Variants in PKNOX1 observed in about 807,000 individuals in gnomAD.
PKNOX1 encodes the protein homeobox protein PKNOX1.
A neutral mutation model predicts 51.9 loss-of-function variants in PKNOX1; 15 were observed. That is an observed-to-expected ratio of 0.29 (90% CI 0.19 to 0.45). The LOEUF is 0.45. Ranked by LOEUF, PKNOX1 falls within the 20% of genes least tolerant of loss-of-function variation. The pLI, the probability that PKNOX1 is intolerant of heterozygous loss-of-function variation, is 1.00. For synonymous variants in PKNOX1, 219 were observed against 211.1 expected, an observed-to-expected ratio of 1.04 and a Z score of -0.32; for missense variants, 462 against 547.5, an observed-to-expected ratio of 0.84 and a Z score of 1.56.
intron 1 of PKNOX1, among the ~76,000 whole-genome samples, 192 bp downstream of exon 1, chr21:42,974,856 G>GGAGA (rs2058983792): frequency 6.8e-6 from 1 of 146,910 alleles, no homozygotes; most frequent in African/African-American, 2.5e-5. Context: ...GCGCGGGTGG[G>GGAGA]GGAGGGGAGC....
intron 1 of PKNOX1, among the ~76,000 whole-genome samples, chr21:42,985,127 A>G (rs2059045528): frequency 6.6e-6 from 1 of 151,630 alleles, no homozygotes; most frequent in South Asian, 2.1e-4. Context: ...AGCTGGGACT[A>G]CAGGCATGCG....
intron 5 of PKNOX1, among the ~76,000 whole-genome samples, chr21:43,014,252 A>C (rs569565422): frequency 2.1e-4 from 32 of 152,020 alleles, no homozygotes; most frequent in Admixed American, 1.9e-3. Context: ...CGATCTCCTG[A>C]CCTCGTGATC....
chr21:43,020,618 C>G (rs1483482952), intron 7 of PKNOX1: 4 of 152,548 alleles, frequency 2.6e-5, no homozygotes, highest in Non-Finnish European at 5.9e-5. Context: ...GTTCTGCGGA[C>G]CCTCTTTCTG....
chr21:43,025,911 C>G (rs1293354823), intron 9 of PKNOX1, among the ~76,000 whole-genome samples: 1 of 152,152 alleles, frequency 6.6e-6, no homozygotes, highest in Non-Finnish European at 1.5e-5. Context: ...TCTTGCCATT[C>G]TTTTAGATGT....
rs149471401 is a variant in PKNOX1 at position 43,007,083 on chromosome 21, T to C, written c.52-408T>C. On this transcript the variant is annotated intron_variant, in intron 2 of 10. Transcript: ENST00000291547. ...GGGAGAAGTTCAACCTTGTCCCAAA[T>C]ATGTAGCGTATGGGTTAGGTTGTGT... is the stretch of plus-strand genomic sequence containing the variant. Among the ~76,000 whole-genome samples the C allele has an allele frequency of 2.8e-3, 420 of 152,300 alleles. 2 individuals are homozygous for C. Among genetic ancestry groups the C allele is most frequent in the African/African-American group, 9.2e-3 (384 of 41,562 alleles).
chr21:43,013,989 G>A (rs1373283825), intron 5 of PKNOX1, among the ~76,000 whole-genome samples: 2 of 146,790 alleles, frequency 1.4e-5, no homozygotes, highest in East Asian at 2.0e-4. Context: ...TATTTTCTTT[G>A]ATAAAATGTC....
At chr21:43,002,404 G>GCC (rs529068532) in intron 1 of PKNOX1, among the ~76,000 whole-genome samples, 9 of 54,612 alleles carry the variant, frequency 1.6e-4, no homozygotes, top group Non-Finnish European at 4.1e-4. Context: ...CATTGACTGT[G>GCC]CCCCCTCCCT....
chr21:42,994,134 G>A (rs1434706446), intron 1 of PKNOX1, among the ~76,000 whole-genome samples: 2 of 141,444 alleles, frequency 1.4e-5, no homozygotes, highest in African/African-American at 2.7e-5. Flanking sequence ...TCGACCTCCC[G>A]GACTCAAGTG....
Position 43,030,143 on chromosome 21 carries a change from C to G in PKNOX1, c.*42C>G. The G allele has an allele frequency of 7.1e-7, 1 of 1,411,984 alleles. No homozygotes were observed. Among genetic ancestry groups the G allele is most frequent in the Non-Finnish European group, 9.8e-7 (1 of 1,025,584 alleles). 87.5% of individuals were successfully genotyped at this position (1,411,984 alleles called of 1,614,324 possible). On this transcript the variant is annotated 3_prime_UTR_variant, in exon 11 of 11. Coordinates refer to ENST00000291547, the MANE Select transcript of PKNOX1 (RefSeq NM_004571.5). ...ACCTGACTTTTTGGAGTTTGCACAG[C>G]AAACATTTTACACAGTTTTATTTCT...
In PKNOX1 at chr21:43,004,442, A is replaced by T; in HGVS notation, c.51+10A>T. 6.3e-7 allele frequency: 1 copy of T among 1,579,828 alleles called. No individual in the cohort carries two copies. Among genetic ancestry groups the T allele is most frequent in the Non-Finnish European group, 8.7e-7 (1 of 1,148,832 alleles). ...TCAAGATGGGCAACAGGTGAGCTTG[A>T]ACTTGATTCTGCATTCTAATTACAA... On this transcript the variant is annotated intron_variant, in intron 2 of 10. Transcript: ENST00000291547.
chr21:43,023,200 A>T (rs1979839400), intron 8 of PKNOX1, among the ~76,000 whole-genome samples: 1 of 151,682 alleles, frequency 6.6e-6, no homozygotes, highest in Admixed American at 6.6e-5. Flanking sequence ...TTTCTATTTT[A>T]TGAGCTTTTT....
At chr21:43,005,646 G>A (rs1190871273) in intron 2 of PKNOX1, among the ~76,000 whole-genome samples, 2 of 151,646 alleles carry the variant, frequency 1.3e-5, no homozygotes, top group African/African-American at 2.4e-5. Context: ...TCTGTGGCCC[G>A]AATCGTCTGG....
intron 9 of PKNOX1, among the ~76,000 whole-genome samples, chr21:43,027,742 A>AC (rs202188817): frequency 4.2e-4 from 59 of 140,686 alleles, no homozygotes; most frequent in Admixed American, 1.3e-3. Flanking sequence ...ACATGGTGTA[A>AC]CCCCGTTTAC....
intron 8 of PKNOX1, among the ~76,000 whole-genome samples, chr21:43,023,893 C>T (rs1204959351): frequency 2.0e-5 from 3 of 151,388 alleles, no homozygotes; most frequent in East Asian, 1.9e-4. Flanking sequence ...GGATTACAGG[C>T]GTGAGCCACC....
At chr21:43,023,369 G>T (rs757152644) in intron 8 of PKNOX1, among the ~76,000 whole-genome samples, 2 of 152,008 alleles carry the variant, frequency 1.3e-5, no homozygotes, top group African/African-American at 2.4e-5. Flanking sequence ...TGATGGGCAG[G>T]GGTGTTTCCA....
chr21:43,031,783 G>T lies in PKNOX1; in HGVS notation c.*1682G>T. On this transcript the variant is annotated 3_prime_UTR_variant, in exon 11 of 11. Transcript: ENST00000291547. ...TATTAATTGAGGTTAAGAAGTCAGTGGGAAACACACAGAAATTTGTTTTAA... is the reference window on the plus strand; with the variant it reads ...TATTAATTGAGGTTAAGAAGTCAGTTGGAAACACACAGAAATTTGTTTTAA... The T allele has an allele frequency of 6.2e-6, 1 of 162,222 alleles. No individual in the cohort carries two copies. The highest frequency in any genetic ancestry group is 6.0e-5 in the Admixed American group (1 of 16,606). 10.0% of individuals were successfully genotyped at this position (162,222 alleles called of 1,614,324 possible). A position where few individuals can be genotyped will look rare whatever the true frequency, so the allele number is the denominator to read the frequency against.
chr21:43,018,542 C>T (rs897850983), intron 7 of PKNOX1, among the ~76,000 whole-genome samples: 36 of 133,896 alleles, frequency 2.7e-4, no homozygotes, highest in Admixed American at 8.3e-4. Flanking sequence ...CCAGTGCTAA[C>T]GTTGGATCAT....
chr21:43,015,817 A>C (rs1246575797), intron 5 of PKNOX1, among the ~76,000 whole-genome samples: 1 of 145,704 alleles, frequency 6.9e-6, no homozygotes, highest in South Asian at 2.1e-4. Context: ...TTGTGTCTCT[A>C]TTTTTTTTTT....
chr21:43,032,400 G>T lies in PKNOX1; in HGVS notation c.*2299G>T. The stretch of plus-strand genomic sequence containing the variant: ...TTCACAGAATGTAGACTCATGTATA[G>T]GTCACCGTTTCTTTCCCCCACTAGA... On this transcript the variant is annotated 3_prime_UTR_variant, in exon 11 of 11. Coordinates refer to ENST00000291547, the MANE Select transcript of PKNOX1 (RefSeq NM_004571.5). 1 of 291,406 alleles carries T rather than the reference G, an allele frequency of 3.4e-6. No individual in the cohort carries two copies. The highest frequency in any genetic ancestry group is 7.0e-6 in the Non-Finnish European group (1 of 142,174). The allele number at this position is 291,406 out of a possible 1,614,324, so 18.1% of individuals were successfully genotyped here.
Sources: gnomAD v4.1 joint callset for allele counts (sites outside exome capture counted in the v4.1 genomes callset) on GRCh38, gnomAD v4.1.1 for gene constraint, MANE v1.5 for transcripts, NCBI Gene and HGNC (gene_info 2026-07-23, HGNC 2026-07-21) for gene names.